The following EDDM13 variants were observed in gnomAD, a reference collection of about 807,000 sequenced individuals.
EDDM13 encodes epididymal protein 13.
A neutral mutation model predicts 17.8 loss-of-function variants in EDDM13; 24 were observed. The observed-to-expected ratio is 1.35, with a 90% CI of 0.98 to 1.90. EDDM13 has a LOEUF of 1.90. Among genes scored for constraint, EDDM13 ranks in the 40% most tolerant of loss-of-function variants. The probability of loss-of-function intolerance (pLI) is 0.00; values close to 1 mark genes in which losing one functional copy is unlikely to be tolerated. For missense variants in EDDM13, 97 were observed against 100.8 expected (o/e 0.96, Z 0.16); for synonymous variants, 31 against 37.5 (o/e 0.83, Z 0.63).
At chr19:56,287,403 C>T (rs1487825703) in intron 6 of EDDM13, among the ~76,000 whole-genome samples, 1 of 152,120 alleles carries the variant, frequency 6.6e-6, no homozygotes, top group East Asian at 1.9e-4. Flanking sequence ...CTTCCCTTCC[C>T]GCCTCTCCTC....
At chr19:56,288,535 G>A (rs2039292980) in intron 7 of EDDM13, among the ~76,000 whole-genome samples, 97 bp downstream of exon 7, 1 of 152,190 alleles carries the variant, frequency 6.6e-6, no homozygotes, top group African/African-American at 2.4e-5. Context: ...TGCTTTTGCT[G>A]TCTGCTTCTC....
At position 56,302,151 on chromosome 19, in the gene EDDM13, G is replaced by C. The variant is rs78743490; in HGVS notation, c.423+56G>C. On this transcript the variant is annotated intron_variant, in intron 13 of 14. Coordinates refer to ENST00000649256, the MANE Select transcript of EDDM13 (RefSeq NM_001354658.2). Reference sequence around the variant, plus strand: ...TGTGAGGAGAGGAAGGAAAGAGGAGGGAAGTGGGGGCACAGAGGAAGCGAA... The same window carrying C: ...TGTGAGGAGAGGAAGGAAAGAGGAGCGAAGTGGGGGCACAGAGGAAGCGAA... 3.1e-3 allele frequency: 3,752 copies of C among 1,199,566 alleles called. 78 individuals carry two copies. In the African/African-American group the frequency reaches 0.05, roughly 16 times the overall value. 74.3% of individuals were successfully genotyped at this position (1,199,566 alleles called of 1,614,324 possible). A position where few individuals can be genotyped will look rare whatever the true frequency, so the allele number is the denominator to read the frequency against.
intron 1 of EDDM13, chr19:56,274,958 A>G (rs898892718): frequency 2.0e-5 from 3 of 152,106 alleles, no homozygotes; most frequent in Non-Finnish European, 2.9e-5. Flanking sequence ...ATTTCTCTCA[A>G]TTTGGGTTTG....
intron 14 of EDDM13, among the ~76,000 whole-genome samples, chr19:56,309,483 A>G (rs35920556): frequency 0.094 from 14,381 of 152,290 alleles, 733 homozygotes; most frequent in Middle Eastern, 0.12. Flanking sequence ...TTTTACCTCA[A>G]TTACAAAAAG....
At chr19:56,275,055 A>G (rs1039176343) in intron 1 of EDDM13, 2 of 152,220 alleles carry the variant, frequency 1.3e-5, no homozygotes, top group African/African-American at 2.4e-5. Context: ...CCCGGGAATT[A>G]TATCAGGGAC....
intron 2 of EDDM13, among the ~76,000 whole-genome samples, chr19:56,280,182 G>C (rs150494398): frequency 1.3e-5 from 2 of 152,124 alleles, no homozygotes; most frequent in Non-Finnish European, 2.9e-5. Flanking sequence ...AAAAGACAGC[G>C]TATTATACAC....
intron 2 of EDDM13, 40 bp from the exon 3 acceptor site, chr19:56,281,653 A>G: frequency 1.0e-6 from 1 of 982,144 alleles, no homozygotes. Context: ...TGAATTTTCC[A>G]TGTTGATTCA....
intron 13 of EDDM13, among the ~76,000 whole-genome samples, chr19:56,304,116 G>A (rs1568729807): frequency 1.3e-5 from 2 of 152,292 alleles, no homozygotes; most frequent in East Asian, 1.9e-4. Flanking sequence ...AGAGTGGATC[G>A]GAATCAGGGC....
At chr19:56,285,412 C>A (rs908163880) in intron 6 of EDDM13, among the ~76,000 whole-genome samples, 4 of 152,302 alleles carry the variant, frequency 2.6e-5, no homozygotes, top group African/African-American at 9.6e-5. Context: ...GTATGTACAT[C>A]CTTAACTCTT....
chr19:56,285,658 T>A (rs1295500581), intron 6 of EDDM13, among the ~76,000 whole-genome samples: 1 of 152,212 alleles, frequency 6.6e-6, no homozygotes, highest in Non-Finnish European at 1.5e-5. Flanking sequence ...TTTTTGTATT[T>A]TTAGTAGAGA....
At chr19:56,287,872 C>T (rs762836569) in intron 6 of EDDM13, among the ~76,000 whole-genome samples, 6 of 152,216 alleles carry the variant, frequency 3.9e-5, no homozygotes, top group Non-Finnish European at 8.8e-5. Context: ...TATAAGCCCT[C>T]TAAGAGGTGT....
In EDDM13 at chr19:56,292,208, C is replaced by A. The variant is rs564629713; in HGVS notation, c.232+1362C>A. Among the ~76,000 whole-genome samples, 12 of 152,340 alleles carry A rather than the reference C, an allele frequency of 7.9e-5. No individual in the cohort carries two copies. In the South Asian group the frequency reaches 2.3e-3, roughly 29 times the overall value. ...TCCCTGAAAAAGTCACTGTTTGCCA[C>A]ATGTGGGTAACATACATCTTTTAAA... On this transcript the variant is annotated intron_variant, in intron 9 of 14. Transcript: ENST00000649256.
At chr19:56,307,473 C>G (rs1268801682) in intron 14 of EDDM13, among the ~76,000 whole-genome samples, 2 of 152,178 alleles carry the variant, frequency 1.3e-5, no homozygotes, top group Admixed American at 6.5e-5. Flanking sequence ...ACCAGAGGTA[C>G]TTTTCCTAAG....
intron 1 of EDDM13, among the ~76,000 whole-genome samples, chr19:56,274,007 A>G (rs1407852607): frequency 6.6e-6 from 1 of 152,134 alleles, no homozygotes; most frequent in Non-Finnish European, 1.5e-5. Context: ...GGGGATAAGT[A>G]GAAGGTTACG....
At chr19:56,289,350 G>A (rs1161148853) in intron 8 of EDDM13, among the ~76,000 whole-genome samples, 1 of 152,216 alleles carries the variant, frequency 6.6e-6, no homozygotes, top group African/African-American at 2.4e-5. Flanking sequence ...CAAAGGAAAA[G>A]TGATAGTCTG....
intron 9 of EDDM13, among the ~76,000 whole-genome samples, chr19:56,293,071 A>G (rs1283357525): frequency 6.6e-6 from 1 of 152,160 alleles, no homozygotes; most frequent in Non-Finnish European, 1.5e-5. Context: ...CATCCTGTCC[A>G]TGCCCCACAC....
At chr19:56,281,263 C>T (rs2038676898) in intron 2 of EDDM13, among the ~76,000 whole-genome samples, 1 of 152,040 alleles carries the variant, frequency 6.6e-6, no homozygotes, top group South Asian at 2.1e-4. Flanking sequence ...GTCTTTCTGT[C>T]TCAGGGGTGG....
chr19:56,274,982 CA>C (rs1249837256), intron 1 of EDDM13: 3 of 152,174 alleles, frequency 2.0e-5, no homozygotes, highest in African/African-American at 7.2e-5. Context: ...GAAGCTTTCT[CA>C]TGATTGGATT....
intron 9 of EDDM13, chr19:56,295,196 G>C (rs1018593953): frequency 1.5e-4 from 23 of 152,158 alleles, no homozygotes; most frequent in African/African-American, 5.1e-4. Flanking sequence ...TACCAGTCAA[G>C]TTGTTATTAA....
Sources: gnomAD v4.1 joint callset for allele counts (sites outside exome capture counted in the v4.1 genomes callset) on GRCh38, gnomAD v4.1.1 for gene constraint, MANE v1.5 for transcripts, NCBI Gene and HGNC (gene_info 2026-07-23, HGNC 2026-07-21) for gene names.